Variants in CPT1A observed in about 807,000 individuals in gnomAD.
CPT1A encodes the protein carnitine O-palmitoyltransferase 1, liver isoform.
Under a neutral mutation model 100.8 loss-of-function variants are expected in CPT1A, and 64 were observed. The ratio of observed to expected loss-of-function variants is 0.63; its 90% CI spans 0.52 to 0.78. The LOEUF (loss-of-function observed/expected upper bound fraction) is 0.78, where lower values mean the gene tolerates loss of function less well. Ranked by LOEUF, CPT1A falls within the 30% of genes least tolerant of loss-of-function variation. CPT1A has a pLI of 0.00. For missense variants in CPT1A, 802 were observed against 1,034.1 expected (o/e 0.78, Z 3.08); for synonymous variants, 363 against 396.0 (o/e 0.92, Z 0.99).
At chr11:68,761,450 TAA>T in intron 16 of CPT1A, 83 bp downstream of exon 16, 1 of 1,489,876 alleles carries the variant, frequency 6.7e-7, no homozygotes, top group Non-Finnish European at 9.3e-7. Context: ...ATTCTGACAT[TAA>T]AATATGTTCA....
At position 68,761,634 on chromosome 11, in the gene CPT1A, CAT is replaced by C; in HGVS notation, c.1927_1928del (p.Met643ValfsTer22). 6.2e-7 allele frequency: 1 copy of C among 1,614,172 alleles called. No homozygotes were observed. The highest frequency in any genetic ancestry group is 8.5e-7 in the Non-Finnish European group (1 of 1,180,026). On this transcript the variant is annotated frameshift_variant, in exon 16 of 19. Coordinates refer to ENST00000265641, the MANE Select transcript of CPT1A (RefSeq NM_001876.4). LOFTEE classifies it high-confidence loss of function. ...FKLASEKHQH[M>X]YRLAMTGSGI... is the part of the protein sequence containing the mutation. The stretch of plus-strand genomic sequence containing the variant: ...CAGAGCCGGTCATGGCGAGGCGATA[CAT>C]ATGCTGATGCTTCTCAGACGCCAAC...
intron 1 of CPT1A, among the ~76,000 whole-genome samples, chr11:68,835,155 G>A (rs182195321): frequency 6.6e-6 from 1 of 152,298 alleles, no homozygotes; most frequent in African/African-American, 2.4e-5. Context: ...CCAACGTATT[G>A]ACAGACCCAG....
At chr11:68,792,691 T>C (rs1855651053) in intron 9 of CPT1A, among the ~76,000 whole-genome samples, 1 of 152,226 alleles carries the variant, frequency 6.6e-6, no homozygotes, top group South Asian at 2.1e-4. Flanking sequence ...CACGACCCAG[T>C]GTGCGTTCCA....
chr11:68,796,296 C>A (rs1195592275), intron 7 of CPT1A, among the ~76,000 whole-genome samples: 1 of 152,106 alleles, frequency 6.6e-6, no homozygotes, highest in Non-Finnish European at 1.5e-5. Flanking sequence ...GTGGCTCACA[C>A]CTGTAATCCC....
At chr11:68,803,248 G>C (rs192900337) in intron 5 of CPT1A, among the ~76,000 whole-genome samples, 1 of 152,354 alleles carries the variant, frequency 6.6e-6, no homozygotes, top group East Asian at 1.9e-4. Flanking sequence ...CTGAGTGAAA[G>C]AAGCCAGTCA....
At chr11:68,816,493 A>C (rs1050654644) in intron 1 of CPT1A, among the ~76,000 whole-genome samples, 1 of 152,116 alleles carries the variant, frequency 6.6e-6, no homozygotes, top group South Asian at 2.1e-4. Flanking sequence ...CCGGCTGCAG[A>C]AAACTGCTTC....
At chr11:68,793,213 G>T in intron 9 of CPT1A, 102 bp downstream of exon 9, 1 of 756,988 alleles carries the variant, frequency 1.3e-6, no homozygotes. Flanking sequence ...ATCTCAGGAA[G>T]GGTCAGCAAA....
At chr11:68,839,442 C>A in intron 1 of CPT1A, 10 of 923,818 alleles carry the variant, frequency 1.1e-5, no homozygotes, top group Non-Finnish European at 1.3e-5. Flanking sequence ...GCTGGCGCGT[C>A]CCAGGCGCTC....
intron 14 of CPT1A, among the ~76,000 whole-genome samples, chr11:68,769,403 ATT>A (rs528320899): frequency 0.048 from 6,451 of 133,232 alleles, 412 homozygotes; most frequent in African/African-American, 0.17. Context: ...TGCTGGGCTA[ATT>A]TTTTTTTTTT....
rs147844319 is a variant in CPT1A at position 68,799,825 on chromosome 11, C to T, written c.556-470G>A. Among the ~76,000 whole-genome samples the T allele has an allele frequency of 7.7e-3, 1,164 of 152,072 alleles. 22 individuals are homozygous for T. The highest frequency in any genetic ancestry group is 0.026 in the African/African-American group (1,099 of 41,498). Reference sequence around the variant, plus strand: ...TTGGCAGTCCTTAGACAGGTAAACTCCCTTCAATGCTAAATGGTGTCATAG... The same window carrying T: ...TTGGCAGTCCTTAGACAGGTAAACTTCCTTCAATGCTAAATGGTGTCATAG... On this transcript the variant is annotated intron_variant, in intron 5 of 18. Transcript: ENST00000265641.
chr11:68,840,486 T>G (rs952912549), intron 1 of CPT1A, among the ~76,000 whole-genome samples: 11 of 152,228 alleles, frequency 7.2e-5, no homozygotes, highest in Admixed American at 7.2e-4. Context: ...TTTTATTCGG[T>G]AACTTACAAA....
intron 1 of CPT1A, among the ~76,000 whole-genome samples, chr11:68,829,273 C>T (rs922440268): frequency 2.6e-5 from 4 of 152,206 alleles, no homozygotes; most frequent in African/African-American, 9.6e-5. Flanking sequence ...CATACAGAGA[C>T]TTCCCAGAGA....
At chr11:68,824,864 T>C (rs1856681310) in intron 1 of CPT1A, among the ~76,000 whole-genome samples, 1 of 145,456 alleles carries the variant, frequency 6.9e-6, no homozygotes, top group Non-Finnish European at 1.5e-5. Flanking sequence ...AGTAGCACGA[T>C]CTAGGCTCAC....
At position 68,755,008 on chromosome 11, in the gene CPT1A, C is replaced by A; in HGVS notation, c.*2636G>T. The stretch of plus-strand genomic sequence containing the variant: ...GTCAGCCCAAGATAACAAATTCAAA[C>A]CATGGCTGCGTTAAGACAATGGTTT... On this transcript the variant is annotated 3_prime_UTR_variant, in exon 19 of 19. Transcript: ENST00000265641. 3 of 621,364 alleles carry A rather than the reference C, an allele frequency of 4.8e-6. No homozygotes were observed. Among genetic ancestry groups the A allele is most frequent in the Admixed American group, 2.6e-5 (1 of 38,016 alleles). 38.5% of individuals were successfully genotyped at this position (621,364 alleles called of 1,614,324 possible). A position where few individuals can be genotyped will look rare whatever the true frequency, so the allele number is the denominator to read the frequency against.
In CPT1A at chr11:68,757,455, G is replaced by A; in HGVS notation, c.*189C>T. 6.9e-7 allele frequency: 1 copy of A among 1,459,022 alleles called. No individual in the cohort carries two copies. The highest frequency in any genetic ancestry group is 9.0e-7 in the Non-Finnish European group (1 of 1,111,206). 90.4% of individuals were successfully genotyped at this position (1,459,022 alleles called of 1,614,324 possible). A position where few individuals can be genotyped will look rare whatever the true frequency, so the allele number is the denominator to read the frequency against. On this transcript the variant is annotated 3_prime_UTR_variant, in exon 19 of 19. Coordinates refer to ENST00000265641, the MANE Select transcript of CPT1A (RefSeq NM_001876.4). ...CCCCCAAGGGAGGGCAAGTCTGGAAGTAGTGGGGTTATGCTTCACAGGGGA... is the reference window on the plus strand; with the variant it reads ...CCCCCAAGGGAGGGCAAGTCTGGAAATAGTGGGGTTATGCTTCACAGGGGA...
At chr11:68,838,582 A>AAAACAAAAAAAAAC (rs1555235334) in intron 1 of CPT1A, among the ~76,000 whole-genome samples, 13 of 145,382 alleles carry the variant, frequency 8.9e-5, no homozygotes, top group African/African-American at 3.3e-4. Flanking sequence ...TAAAAAAAAA[A>AAAACAAAAAAAAAC]AAAAAAAAAC....
intron 4 of CPT1A, among the ~76,000 whole-genome samples, chr11:68,806,126 C>T (rs1226611296): frequency 6.6e-6 from 1 of 152,030 alleles, no homozygotes; most frequent in Non-Finnish European, 1.5e-5. Flanking sequence ...AGCATTCCTC[C>T]CACCTCAGCC....
chr11:68,785,709 G>T, intron 9 of CPT1A: 2 of 311,650 alleles, frequency 6.4e-6, no homozygotes, highest in Non-Finnish European at 1.2e-5. Context: ...ATTAAGAGAC[G>T]ATATCCGTAA....
intron 9 of CPT1A, among the ~76,000 whole-genome samples, chr11:68,788,545 G>A (rs1357914546): frequency 1.4e-5 from 2 of 145,690 alleles, no homozygotes; most frequent in African/African-American, 5.1e-5. Flanking sequence ...TTTGCAGTGA[G>A]CCAAGATTGC....
Sources: gnomAD v4.1 joint callset for allele counts (sites outside exome capture counted in the v4.1 genomes callset) on GRCh38, gnomAD v4.1.1 for gene constraint, MANE v1.5 for transcripts, NCBI Gene and HGNC (gene_info 2026-07-23, HGNC 2026-07-21) for gene names.